The following CNPY1 variants were observed in gnomAD, a reference collection of about 807,000 sequenced individuals.
CNPY1 encodes the protein protein canopy homolog 1.
A neutral mutation model predicts 14.4 loss-of-function variants in CNPY1; 14 were observed. The ratio of observed to expected loss-of-function variants is 0.97; its 90% CI spans 0.64 to 1.52. The LOEUF is 1.52. CNPY1 is among the 40% of genes most tolerant of loss of function. The probability of loss-of-function intolerance (pLI) is 0.00; values close to 1 mark genes in which losing one functional copy is unlikely to be tolerated. For missense variants in CNPY1, 129 were observed against 131.5 expected, an observed-to-expected ratio of 0.98 and a Z score of 0.09; for synonymous variants, 43 against 46.5, an observed-to-expected ratio of 0.92 and a Z score of 0.31.
rs777784739 is a variant in CNPY1, at chr7:155,545,811, CATA to C, written c.99+17_99+19del. 5 of 398,578 alleles carry C rather than the reference CATA, an allele frequency of 1.3e-5. No individual in the cohort carries two copies. Among genetic ancestry groups the C allele is most frequent in the East Asian group, 1.1e-4 (3 of 28,066 alleles). The allele number at this position is 398,578 out of a possible 1,614,324, so 24.7% of individuals were successfully genotyped here. A position where few individuals can be genotyped will look rare whatever the true frequency, so the allele number is the denominator to read the frequency against. On this transcript the variant is annotated intron_variant, in intron 2 of 4. Transcript: ENST00000636446. ...CCATATCCGCAATTATACACTGGCA[CATA>C]ATATCTTTTCCACTACCTTTCTCCT...
intron 2 of CNPY1, among the ~76,000 whole-genome samples, chr7:155,533,234 G>C (rs1796971531): frequency 6.6e-6 from 1 of 152,196 alleles, no homozygotes; most frequent in Non-Finnish European, 1.5e-5. Flanking sequence ...CGACGGGAAC[G>C]GCTGGAGGGA....
At chr7:155,514,138 A>G (rs1208226752) in intron 2 of CNPY1, among the ~76,000 whole-genome samples, 3 of 152,248 alleles carry the variant, frequency 2.0e-5, no homozygotes, top group African/African-American at 7.2e-5. Flanking sequence ...AGGCAACAAT[A>G]TTGCGGCATA....
At chr7:155,507,904 CTA>C (rs1411001412) in intron 3 of CNPY1, among the ~76,000 whole-genome samples, 1 of 152,196 alleles carries the variant, frequency 6.6e-6, no homozygotes, top group African/African-American at 2.4e-5. Context: ...AAGCAAGACT[CTA>C]AAAATGTTTA....
At position 155,502,993 on chromosome 7, in the gene CNPY1, C is replaced by T; in HGVS notation, c.*75G>A. Reference sequence around the variant, plus strand: ...AAATTTTTCTTATCATGAAAGACAACATGCAAACATAAAATGCAGACATTG... The same window carrying T: ...AAATTTTTCTTATCATGAAAGACAATATGCAAACATAAAATGCAGACATTG... On this transcript the variant is annotated 3_prime_UTR_variant, in exon 5 of 5. Transcript: ENST00000636446. 7.5e-7 allele frequency: 1 copy of T among 1,333,070 alleles called. No individual in the cohort carries two copies. Among genetic ancestry groups the T allele is most frequent in the Non-Finnish European group, 1.1e-6 (1 of 949,012 alleles). 82.6% of individuals were successfully genotyped at this position (1,333,070 alleles called of 1,614,324 possible). A position where few individuals can be genotyped will look rare whatever the true frequency, so the allele number is the denominator to read the frequency against.
At chr7:155,546,087 G>A (rs2116765047) in intron 1 of CNPY1, 144 bp from the exon 2 acceptor site, 1 of 397,560 alleles carries the variant, frequency 2.5e-6, no homozygotes, top group Non-Finnish European at 4.4e-6. Context: ...CTTGTCCTCT[G>A]CAGAGTTTTC....
Position 155,536,668 on chromosome 7 carries a change from A to T in CNPY1, c.99+9163T>A, listed in dbSNP as rs899190731. On this transcript the variant is annotated intron_variant, in intron 2 of 4. Transcript: ENST00000636446. This position sits in a 1 kb window ranked among gnomAD's most constrained non-coding sequence, Gnocchi z 4.1. The stretch of plus-strand genomic sequence containing the variant: ...CTCCCCATCCACCTGCTGGATGAAC[A>T]GGACTCGGGCTTGGAGGAGGAGGAG... 6.6e-6 allele frequency among the ~76,000 whole-genome samples: 1 copy of T among 152,140 alleles called. No individual in the cohort carries two copies. Among genetic ancestry groups the T allele is most frequent in the Admixed American group, 6.5e-5 (1 of 15,276 alleles).
intron 2 of CNPY1, among the ~76,000 whole-genome samples, chr7:155,516,308 T>C (rs1195030116): frequency 1.3e-5 from 2 of 152,252 alleles, no homozygotes; most frequent in Non-Finnish European, 2.9e-5. Context: ...AAATCAGTTA[T>C]GTTGTTTCAG....
chr7:155,534,552 G>C (rs73732801), intron 2 of CNPY1, among the ~76,000 whole-genome samples: 5,475 of 152,330 alleles, frequency 0.036, 344 homozygotes, highest in African/African-American at 0.13. Flanking sequence ...GGACTGACCG[G>C]GAAGGCGGAT....
At chr7:155,517,594 G>A (rs908644317) in intron 2 of CNPY1, among the ~76,000 whole-genome samples, 2 of 152,126 alleles carry the variant, frequency 1.3e-5, no homozygotes, top group South Asian at 2.1e-4. Context: ...CACCCCACAC[G>A]CCAAGCAACA....
At chr7:155,525,765 G>A (rs1471285823) in intron 2 of CNPY1, among the ~76,000 whole-genome samples, 1 of 152,160 alleles carries the variant, frequency 6.6e-6, no homozygotes, top group Non-Finnish European at 1.5e-5. Flanking sequence ...TTTATATCAT[G>A]CTAGTCTTGA....
At chr7:155,531,816 G>A (rs1166787258) in intron 2 of CNPY1, among the ~76,000 whole-genome samples, 1 of 152,218 alleles carries the variant, frequency 6.6e-6, no homozygotes, top group African/African-American at 2.4e-5. Flanking sequence ...CTCCAGGGCG[G>A]TGCCTCAGAA....
intron 1 of CNPY1, 94 bp downstream of exon 1, chr7:155,546,335 G>A: frequency 5.1e-6 from 2 of 390,192 alleles, no homozygotes; most frequent in Non-Finnish European, 8.9e-6. Context: ...ACAGGCATAC[G>A]TCGCCACACC....
chr7:155,509,473 GGAGA>G (rs1178836392), intron 2 of CNPY1, among the ~76,000 whole-genome samples: 1 of 152,024 alleles, frequency 6.6e-6, no homozygotes, highest in Non-Finnish European at 1.5e-5. Context: ...GACAGAGAGA[GGAGA>G]GAGAGAGGAG....
chr7:155,504,091 G>GA (rs1370159512), intron 4 of CNPY1, among the ~76,000 whole-genome samples: 4 of 151,812 alleles, frequency 2.6e-5, no homozygotes, highest in Non-Finnish European at 5.9e-5. Flanking sequence ...TCTTGCCTAG[G>GA]AAAAAAAGAG....
chr7:155,512,806 C>A (rs917426652), intron 2 of CNPY1, among the ~76,000 whole-genome samples: 7 of 152,300 alleles, frequency 4.6e-5, no homozygotes, highest in African/African-American at 1.7e-4. Context: ...TTTGGAGTGT[C>A]CTTCAGATAT....
chr7:155,522,055 G>A (rs534477567), intron 2 of CNPY1, among the ~76,000 whole-genome samples: 2 of 152,312 alleles, frequency 1.3e-5, no homozygotes, highest in South Asian at 2.1e-4. Context: ...TGTTGAACAC[G>A]CACGTGCACA....
At chr7:155,525,294 C>T (rs1162352035) in intron 2 of CNPY1, among the ~76,000 whole-genome samples, 3 of 152,170 alleles carry the variant, frequency 2.0e-5, no homozygotes, top group Non-Finnish European at 2.9e-5. Context: ...GATTCTCCTG[C>T]CTCAGCCTCC....
At position 155,536,911 on chromosome 7, in the gene CNPY1, C is replaced by A. The variant is rs537738812; in HGVS notation, c.99+8920G>T. On this transcript the variant is annotated intron_variant, in intron 2 of 4. Coordinates refer to ENST00000636446, the MANE Select transcript of CNPY1 (RefSeq NM_001393663.1). The surrounding 1 kb of genome is among the most constrained non-coding windows in gnomAD (Gnocchi z 4.1). ...AATAAAAATGAGTGATGGTGTTTCT[C>A]TTTTTAAATAAGATAAAAGAGAAAT... 8.5e-5 allele frequency among the ~76,000 whole-genome samples: 13 copies of A among 152,320 alleles called. No homozygotes were observed. Among genetic ancestry groups the A allele is most frequent in the African/African-American group, 2.4e-4 (10 of 41,578 alleles).
At chr7:155,531,997 G>A (rs886492925) in intron 2 of CNPY1, among the ~76,000 whole-genome samples, 14 of 152,228 alleles carry the variant, frequency 9.2e-5, no homozygotes, top group African/African-American at 3.4e-4. Flanking sequence ...TGTGAGAACC[G>A]GATCAACCTG....
Sources: allele counts gnomAD v4.1 joint callset (sites outside exome capture counted in the v4.1 genomes callset), GRCh38; gene constraint gnomAD v4.1.1; non-coding constraint Gnocchi (gnomAD v3.1); transcripts MANE v1.5; gene names NCBI Gene and HGNC (gene_info 2026-07-23, HGNC 2026-07-21).